Variants in AFF4 observed in about 807,000 individuals in gnomAD.
AFF4 encodes the protein AF4/FMR2 family member 4.
In AFF4, 13 loss-of-function variants were observed where a neutral mutation model predicts 124.8. The observed-to-expected ratio is 0.10, with a 90% CI of 0.07 to 0.17. The LOEUF is 0.17. Among genes scored for constraint, AFF4 ranks in the 10% least tolerant of loss-of-function variants. The probability of loss-of-function intolerance (pLI) is 1.00; values close to 1 mark genes in which losing one functional copy is unlikely to be tolerated. For missense variants in AFF4, 1,092 were observed against 1,403.8 expected (o/e 0.78, Z 3.55); for synonymous variants, 477 against 496.1 (o/e 0.96, Z 0.51).
intron 11 of AFF4, 109 bp downstream of exon 11, chr5:132,896,214 T>C (rs1760390332): frequency 7.4e-7 from 1 of 1,347,414 alleles, no homozygotes; most frequent in Non-Finnish European, 1.0e-6. Context: ...TTACCCACTA[T>C]TTTCCTTCAC....
Position 132,879,785 on chromosome 5 carries a change from A to C in AFF4, c.*1274T>G, listed in dbSNP as rs708457. ...TTCTTTAAGCTCTACCCCTGGCTCCACTCCCTGTCCCAAGAGCTCACACTG... is the reference window on the plus strand; with the variant it reads ...TTCTTTAAGCTCTACCCCTGGCTCCCCTCCCTGTCCCAAGAGCTCACACTG... On this transcript the variant is annotated 3_prime_UTR_variant, in exon 21 of 21. Transcript: ENST00000265343. 194,173 of 224,290 alleles carry C rather than the reference A, an allele frequency of 0.87. 85,266 individuals carry two copies. Among genetic ancestry groups the C allele is most frequent in the African/African-American group, 0.94 (42,321 of 44,964 alleles). 13.9% of individuals were successfully genotyped at this position (224,290 alleles called of 1,614,324 possible).
chr5:132,914,582 C>T (rs1236715636), intron 5 of AFF4, among the ~76,000 whole-genome samples: 1 of 149,156 alleles, frequency 6.7e-6, no homozygotes, highest in Admixed American at 6.7e-5. Context: ...GCCTGGGAGA[C>T]AGAGCAAGAC....
chr5:132,955,630 T>C (rs1008507249), intron 1 of AFF4, among the ~76,000 whole-genome samples: 1 of 151,556 alleles, frequency 6.6e-6, no homozygotes, highest in Admixed American at 6.6e-5. Context: ...ATACAAAAAG[T>C]AGCCGGGCGT....
At chr5:132,933,172 C>T (rs565733418) in intron 3 of AFF4, among the ~76,000 whole-genome samples, 262 of 150,202 alleles carry the variant, frequency 1.7e-3, no homozygotes, top group Middle Eastern at 6.9e-3. Flanking sequence ...CCGAGGCGGG[C>T]GGATCACGTG....
intron 5 of AFF4, among the ~76,000 whole-genome samples, chr5:132,925,328 T>C (rs930370987): frequency 6.6e-6 from 1 of 151,636 alleles, no homozygotes; most frequent in African/African-American, 2.4e-5. Context: ...ACATAAAAAA[T>C]AAAACTAAAA....
intron 5 of AFF4, among the ~76,000 whole-genome samples, chr5:132,920,908 A>G (rs1206821141): frequency 1.4e-4 from 22 of 152,058 alleles, no homozygotes. Flanking sequence ...TGGGCAGATC[A>G]TAAGGTCAGG....
chr5:132,956,523 C>T (rs141144862), intron 1 of AFF4, among the ~76,000 whole-genome samples: 12,085 of 150,816 alleles, frequency 0.08, 675 homozygotes, highest in Middle Eastern at 0.2. Context: ...CCCAGCTACT[C>T]GGGAGGCTGA....
chr5:132,924,180 G>C (rs535631151), intron 5 of AFF4, among the ~76,000 whole-genome samples: 55 of 152,214 alleles, frequency 3.6e-4, no homozygotes, highest in Middle Eastern at 3.4e-3. Context: ...CTTGAACCCA[G>C]GAGGCGGAGG....
chr5:132,941,430 T>C lies in AFF4; in HGVS notation c.-4-4237A>G, dbSNP rs537397788. Among the ~76,000 whole-genome samples the C allele has an allele frequency of 3.9e-5, 6 of 151,992 alleles. No individual in the cohort carries two copies. In the East Asian group the frequency reaches 1.2e-3, roughly 30 times the overall value. On this transcript the variant is annotated intron_variant, in intron 1 of 20. Coordinates refer to ENST00000265343, the MANE Select transcript of AFF4 (RefSeq NM_014423.4). Reference sequence around the variant, plus strand: ...CTCACTGCAACCTCAGACTCCGAGGTTCAAATGATTCTCATGCCTCAGCCT... The same window carrying C: ...CTCACTGCAACCTCAGACTCCGAGGCTCAAATGATTCTCATGCCTCAGCCT...
intron 1 of AFF4, chr5:132,943,193 GA>G: frequency 5.6e-6 from 1 of 178,388 alleles, no homozygotes; most frequent in Non-Finnish European, 1.2e-5. Flanking sequence ...CACTGGGTGT[GA>G]AACAGCTAAT....
intron 20 of AFF4, among the ~76,000 whole-genome samples, chr5:132,882,298 T>A (rs1346158696): frequency 6.6e-6 from 1 of 152,146 alleles, no homozygotes; most frequent in African/African-American, 2.4e-5. Context: ...CATTTTCATC[T>A]GATTACCTGT....
Position 132,932,159 on chromosome 5 carries a change from T to A in AFF4, c.963+19A>T, listed in dbSNP as rs1357274917. On this transcript the variant is annotated intron_variant, in intron 4 of 20. Transcript: ENST00000265343. ...TAAAAAATTAAAGAAATTGAAATGA[T>A]TTTTTTTAAAAAACTTACTTTTAGG... The A allele has an allele frequency of 3.3e-6, 5 of 1,532,258 alleles. No homozygotes were observed. In the Admixed American group the frequency reaches 9.8e-5, roughly 30 times the overall value. The allele number at this position is 1,532,258 out of a possible 1,614,324, so 94.9% of individuals were successfully genotyped here.
At chr5:132,896,289 G>A (rs1760392799) in intron 11 of AFF4, 34 bp downstream of exon 11, 1 of 1,538,072 alleles carries the variant, frequency 6.5e-7, no homozygotes, top group African/African-American at 1.4e-5. Flanking sequence ...AGATTCTGAT[G>A]TTTCAAAACA....
At chr5:132,933,556 A>G (rs751747601) in intron 3 of AFF4, among the ~76,000 whole-genome samples, 4 of 152,202 alleles carry the variant, frequency 2.6e-5, no homozygotes, top group Admixed American at 6.6e-5. Flanking sequence ...AAAAAAAGAT[A>G]TAATTTCAGC....
At chr5:132,913,901 T>C (rs566545745) in intron 5 of AFF4, among the ~76,000 whole-genome samples, 1 of 152,230 alleles carries the variant, frequency 6.6e-6, no homozygotes, top group African/African-American at 2.4e-5. Flanking sequence ...CTCCAAATAT[T>C]TGGGAACCAA....
rs117754248 is a variant in AFF4, at chr5:132,944,992, A to G, written c.-4-7799T>C. The G allele has an allele frequency of 6.8e-4, 114 of 168,392 alleles. 3 individuals carry two copies. The East Asian group carries it at 0.018, about 26-fold the overall frequency. 10.4% of individuals were successfully genotyped at this position (168,392 alleles called of 1,614,324 possible). A position where few individuals can be genotyped will look rare whatever the true frequency, so the allele number is the denominator to read the frequency against. ...AAAAAAACAAAAACAGTGGACAAGA[A>G]GGCTCCTGGACCTGGCAATATCATC... On this transcript the variant is annotated intron_variant, in intron 1 of 20. Coordinates refer to ENST00000265343, the MANE Select transcript of AFF4 (RefSeq NM_014423.4).
At position 132,883,361 on chromosome 5, in the gene AFF4, G is replaced by T. The variant is rs1332078071; in HGVS notation, c.3343C>A (p.Gln1115Lys). The T allele has an allele frequency of 6.2e-7, 1 of 1,613,970 alleles. No homozygotes were observed. Among genetic ancestry groups the T allele is most frequent in the Non-Finnish European group, 8.5e-7 (1 of 1,179,996 alleles). The change falls in exon 20 of 21, where the codon CAG (glutamine) becomes AAG (lysine). Residue 1115 changes from glutamine to lysine, a missense_variant. Physicochemically the swap from Gln to Lys is moderately conservative, Grantham distance 53. This residue lies in a region of AFF4 where 173 missense variants were observed against 294.9 expected (regional missense o/e 0.59). Coordinates refer to ENST00000265343, the MANE Select transcript of AFF4 (RefSeq NM_014423.4). ...CTACCTTTTTGCTCTTTGGAAAGCT[G>T]TTCAGCTTGGTCCCAAATTTCGGTG... ...YATEIWDQAE[Q>K]LSKEQKEFFA... is the part of the protein sequence containing the mutation.
At chr5:132,933,883 C>A (rs1262068784) in intron 3 of AFF4, among the ~76,000 whole-genome samples, 3 of 152,130 alleles carry the variant, frequency 2.0e-5, no homozygotes, top group African/African-American at 7.2e-5. Flanking sequence ...ATTAGTCATT[C>A]TTTTATTCTA....
At chr5:132,890,208 T>C (rs1760220678) in intron 13 of AFF4, among the ~76,000 whole-genome samples, 1 of 151,822 alleles carries the variant, frequency 6.6e-6, no homozygotes, top group African/African-American at 2.4e-5. Flanking sequence ...AATTATACTT[T>C]GAAATGGCTT....
Sources: gnomAD v4.1 joint callset for allele counts (sites outside exome capture counted in the v4.1 genomes callset) on GRCh38, gnomAD v4.1.1 for gene constraint, gnomAD v4.1.1 regional missense constraint, MANE v1.5 for transcripts, NCBI Gene and HGNC (gene_info 2026-07-23, HGNC 2026-07-21) for gene names.